Variants in DNER observed in about 807,000 individuals in gnomAD.
The protein encoded by DNER is delta and Notch-like epidermal growth factor-related receptor.
A neutral mutation model predicts 78.2 loss-of-function variants in DNER; 33 were observed. The observed-to-expected ratio is 0.42, with a 90% CI of 0.32 to 0.56. DNER has a LOEUF of 0.56. Ranked by LOEUF, DNER falls within the 20% of genes least tolerant of loss-of-function variation. DNER has a pLI of 0.11. For missense variants in DNER, 918 were observed against 975.3 expected, an observed-to-expected ratio of 0.94 and a Z score of 0.78; for synonymous variants, 417 against 384.8, an observed-to-expected ratio of 1.08 and a Z score of -0.98.
intron 11 of DNER, among the ~76,000 whole-genome samples, chr2:229,379,408 A>T (rs1212879995): frequency 6.6e-6 from 1 of 152,176 alleles, no homozygotes; most frequent in Non-Finnish European, 1.5e-5. Flanking sequence ...TCCAGGTTAC[A>T]TAGTTAGAAT....
intron 1 of DNER, among the ~76,000 whole-genome samples, chr2:229,619,616 G>A (rs1409515594): frequency 1.3e-5 from 2 of 152,094 alleles, no homozygotes; most frequent in Non-Finnish European, 2.9e-5. Context: ...AACAGAGAGG[G>A]TAAATTATAT....
chr2:229,456,713 G>A (rs939465556), intron 7 of DNER, among the ~76,000 whole-genome samples: 1 of 152,108 alleles, frequency 6.6e-6, no homozygotes, highest in Middle Eastern at 3.4e-3. Flanking sequence ...AGCACCCTTT[G>A]CTCTTTCACT....
chr2:229,431,120 A>G (rs1209073773), intron 8 of DNER, among the ~76,000 whole-genome samples: 1 of 152,210 alleles, frequency 6.6e-6, no homozygotes, highest in East Asian at 1.9e-4. Context: ...CTGAGTGTAA[A>G]TCATAATTAA....
intron 1 of DNER, among the ~76,000 whole-genome samples, chr2:229,620,132 C>G (rs1406368042): frequency 6.6e-6 from 1 of 152,216 alleles, no homozygotes; most frequent in Non-Finnish European, 1.5e-5. Flanking sequence ...TGGGCACCCT[C>G]TCAGCCTGTG....
chr2:229,408,037 C>T (rs965742115), intron 9 of DNER, among the ~76,000 whole-genome samples: 11 of 152,052 alleles, frequency 7.2e-5, no homozygotes, highest in African/African-American at 2.4e-4. Context: ...GAGAGTGACC[C>T]TGAATTGACT....
intron 6 of DNER, among the ~76,000 whole-genome samples, chr2:229,479,865 T>C (rs1190784538): frequency 2.6e-5 from 4 of 152,152 alleles, no homozygotes; most frequent in Admixed American, 2.6e-4. Context: ...GCTAGAAAAG[T>C]ATAGTACATT....
In DNER at chr2:229,512,943, C is replaced by A. The variant is rs1339934161; in HGVS notation, c.994-7G>T. 2.5e-6 allele frequency: 4 copies of A among 1,610,836 alleles called. No homozygotes were observed. Among genetic ancestry groups the A allele is most frequent in the African/African-American group, 1.3e-5 (1 of 74,776 alleles). On this transcript the variant is annotated splice_polypyrimidine_tract_variant and splice_region_variant and intron_variant, in intron 5 of 12. Coordinates refer to ENST00000341772, the MANE Select transcript of DNER (RefSeq NM_139072.4). ...AGGTACAGGAAAAAGTTGCCTAAAA[C>A]ACAAAAAAAGCACAGTGTCTATTAC...
At chr2:229,481,991 C>A (rs12476610) in intron 6 of DNER, among the ~76,000 whole-genome samples, 19,013 of 152,234 alleles carry the variant, frequency 0.12, 1,329 homozygotes, top group South Asian at 0.2. Context: ...TAAAGGCACA[C>A]AAGAGTGCAG....
chr2:229,630,503 TAA>T (rs1698416391), intron 1 of DNER, among the ~76,000 whole-genome samples: 1 of 148,032 alleles, frequency 6.8e-6, no homozygotes. Context: ...ATAATAATAA[TAA>T]TAATAATAAT....
chr2:229,685,897 CGGA>C (rs1699474869), intron 1 of DNER, among the ~76,000 whole-genome samples: 1 of 152,116 alleles, frequency 6.6e-6, no homozygotes, highest in Non-Finnish European at 1.5e-5. Context: ...TGTGAGGCAT[CGGA>C]GGAGGGCTCC....
intron 1 of DNER, among the ~76,000 whole-genome samples, chr2:229,651,559 C>T (rs1055727477): frequency 1.3e-5 from 2 of 152,198 alleles, no homozygotes; most frequent in African/African-American, 4.8e-5. Flanking sequence ...TGCCGAAGGA[C>T]CCAGCCAGGT....
chr2:229,506,305 A>C (rs1271431525), intron 6 of DNER, among the ~76,000 whole-genome samples: 2 of 152,102 alleles, frequency 1.3e-5, no homozygotes, highest in Non-Finnish European at 2.9e-5. Flanking sequence ...TAAAACCATC[A>C]AATCTTGTAA....
rs1423544304 is a variant in DNER at position 229,456,038 on chromosome 2, T to A, written c.1262-8498A>T. Among the ~76,000 whole-genome samples the A allele has an allele frequency of 2.6e-5, 4 of 152,020 alleles. No individual in the cohort carries two copies. The East Asian group carries it at 7.7e-4, about 29-fold the overall frequency. The stretch of plus-strand genomic sequence containing the variant: ...AGCAGTATATTAGTCCATTTTTGCA[T>A]TACTACAAAGGGATACCTGAGACTG... On this transcript the variant is annotated intron_variant, in intron 7 of 12. Transcript: ENST00000341772.
chr2:229,568,488 T>C (rs1487318261), intron 4 of DNER, among the ~76,000 whole-genome samples: 1 of 152,252 alleles, frequency 6.6e-6, no homozygotes, highest in African/African-American at 2.4e-5. Context: ...AATCACACTT[T>C]AATATTCTAA....
intron 1 of DNER, among the ~76,000 whole-genome samples, chr2:229,616,598 T>C (rs1160920160): frequency 6.6e-6 from 1 of 152,162 alleles, no homozygotes; most frequent in Non-Finnish European, 1.5e-5. Flanking sequence ...AGAAGAACAC[T>C]AACTGGGGAA....
intron 7 of DNER, among the ~76,000 whole-genome samples, chr2:229,468,381 G>T (rs930271058): frequency 1.6e-4 from 24 of 152,100 alleles, no homozygotes; most frequent in African/African-American, 5.8e-4. Flanking sequence ...GTTGTTCTTG[G>T]GGATAACATC....
intron 11 of DNER, among the ~76,000 whole-genome samples, chr2:229,376,913 G>A (rs1692616446): frequency 6.6e-6 from 1 of 152,080 alleles, no homozygotes; most frequent in Non-Finnish European, 1.5e-5. Flanking sequence ...AATAAGAACT[G>A]CCCATATAAT....
intron 4 of DNER, among the ~76,000 whole-genome samples, chr2:229,563,620 C>CCTCCTT (rs1697019515): frequency 1.3e-5 from 2 of 149,496 alleles, no homozygotes; most frequent in African/African-American, 5.0e-5. Context: ...TCATCATCAT[C>CCTCCTT]ACCCCATCAC....
chr2:229,557,622 T>A (rs1395141625), intron 4 of DNER, among the ~76,000 whole-genome samples: 1 of 150,594 alleles, frequency 6.6e-6, no homozygotes, highest in Non-Finnish European at 1.5e-5. Flanking sequence ...AAGGAGAGAT[T>A]TATAAAAGAA....
Sources: allele counts gnomAD v4.1 joint callset (sites outside exome capture counted in the v4.1 genomes callset), GRCh38; gene constraint gnomAD v4.1.1; transcripts MANE v1.5; gene names NCBI Gene and HGNC (gene_info 2026-07-23, HGNC 2026-07-21).